Variants in ZNF451 observed in about 807,000 individuals in gnomAD.
ZNF451 encodes the protein E3 SUMO-protein ligase ZNF451.
Under a neutral mutation model 107.1 loss-of-function variants are expected in ZNF451, and 80 were observed. The observed-to-expected ratio is 0.75, with a 90% confidence interval of 0.62 to 0.90. The LOEUF (loss-of-function observed/expected upper bound fraction) is 0.90, where lower values mean the gene tolerates loss of function less well. Among genes scored for constraint, ZNF451 ranks in the 40% least tolerant of loss-of-function variants. The pLI is 0.00. For missense variants in ZNF451, 1,107 were observed against 1,236.2 expected, an observed-to-expected ratio of 0.90 and a Z score of 1.57; for synonymous variants, 362 against 406.5, an observed-to-expected ratio of 0.89 and a Z score of 1.32.
intron 2 of ZNF451, among the ~76,000 whole-genome samples, chr6:57,097,956 T>G (rs1242243757): frequency 6.8e-6 from 1 of 147,818 alleles, no homozygotes; most frequent in East Asian, 2.0e-4. Flanking sequence ...TTATTTTTAT[T>G]TATATATTTA....
chr6:57,097,840 G>A (rs933936570), intron 2 of ZNF451, among the ~76,000 whole-genome samples: 1 of 151,986 alleles, frequency 6.6e-6, no homozygotes, highest in African/African-American at 2.4e-5. Context: ...TTCTGTTTCT[G>A]CTTTCCAAAG....
In ZNF451 at chr6:57,147,806, C is replaced by T. The variant is rs1477234074; in HGVS notation, c.1721C>T (p.Ser574Phe). 4 of 1,614,024 alleles carry T rather than the reference C, an allele frequency of 2.5e-6. No homozygotes were observed. The South Asian group carries it at 4.4e-5, about 18-fold the overall frequency. Residue 574 changes from serine to phenylalanine, a missense_variant, in exon 10 of 15, where the codon TCC becomes TTC. Coordinates refer to ENST00000370706, the MANE Select transcript of ZNF451 (RefSeq NM_001031623.3). ...DEVEGETLPS[S>F]STTLDNLTAN... is the part of the protein sequence containing the mutation. ...GTAGAAGGTGAAACTTTGCCATCAT[C>T]CTCTACAACATTGGATAATTTGACT...
At chr6:57,099,938 C>T (rs778527101) in intron 3 of ZNF451, among the ~76,000 whole-genome samples, 8 of 152,216 alleles carry the variant, frequency 5.3e-5, no homozygotes, top group Non-Finnish European at 1.2e-4. Context: ...TTTACAAATT[C>T]TGTGACTTTG....
At chr6:57,107,299 A>G (rs1217987890) in intron 3 of ZNF451, 8 of 984,972 alleles carry the variant, frequency 8.1e-6, no homozygotes, top group Non-Finnish European at 9.6e-6. Context: ...CTATCAGTGT[A>G]TACTAGACAG....
Position 57,124,461 on chromosome 6 carries a change from C to G in ZNF451, c.187-273C>G, listed in dbSNP as rs114981221. The stretch of plus-strand genomic sequence containing the variant: ...CGCTTTGCCTGATGACCCTACCTCT[C>G]TGACAGATCTGAGAAGAGTTTACTC... On this transcript the variant is annotated intron_variant, in intron 3 of 14. Coordinates refer to ENST00000370706, the MANE Select transcript of ZNF451 (RefSeq NM_001031623.3). 2.2e-4 allele frequency: 160 copies of G among 716,804 alleles called. 1 individual carries two copies. In the African/African-American group the frequency reaches 2.5e-3, roughly 11 times the overall value. 44.4% of individuals were successfully genotyped at this position (716,804 alleles called of 1,614,324 possible).
Position 57,090,198 on chromosome 6 carries a change from A to ACGGCGG in ZNF451, c.-51_-46dup, listed in dbSNP as rs1327028504. 4 of 1,579,452 alleles carry ACGGCGG rather than the reference A, an allele frequency of 2.5e-6. No individual in the cohort carries two copies. In the Admixed American group the frequency reaches 7.4e-5, roughly 29 times the overall value. Reference sequence around the variant, plus strand: ...CAGGGCGGGAAGGGGATTCGTGGCGACGGCGGCGGCAGGGACAGCAGGAGC... The same window carrying ACGGCGG: ...CAGGGCGGGAAGGGGATTCGTGGCGACGGCGGCGGCGGCGGCAGGGACAGCAGGAGC... On this transcript the variant is annotated 5_prime_UTR_variant, in exon 1 of 15. Transcript: ENST00000370706.
At chr6:57,108,171 T>G (rs1829956449) in intron 3 of ZNF451, 1 of 985,316 alleles carries the variant, frequency 1.0e-6, no homozygotes, top group African/African-American at 1.7e-5. Flanking sequence ...AATTCTACTT[T>G]GACCTTAAGT....
At chr6:57,130,626 GGCCAGTAATAT>G (rs1831139255) in intron 5 of ZNF451, among the ~76,000 whole-genome samples, 1 of 151,996 alleles carries the variant, frequency 6.6e-6, no homozygotes, top group South Asian at 2.1e-4. Context: ...ATGGTAGTCG[GGCCAGTAATAT>G]GCCCTTCAAG....
intron 3 of ZNF451, chr6:57,114,830 A>C (rs978736002): frequency 6.6e-6 from 1 of 152,164 alleles, no homozygotes; most frequent in Non-Finnish European, 1.5e-5. Flanking sequence ...ACATATGCTG[A>C]TTGTAGAAAA....
rs1562622965 is a variant in ZNF451, at chr6:57,148,267, T to TA, written c.2183dup (p.Tyr728Ter). The change falls in exon 10 of 15, where the codon TAC (tyrosine) becomes TAAC (stop). Residue 728 changes from tyrosine to a stop codon, truncating the protein, a stop_gained and frameshift_variant. Transcript: ENST00000370706. LOFTEE classifies it high-confidence loss of function. ...NQLTCGCRES[Y>*]ICKVNRKEDY... The stretch of plus-strand genomic sequence containing the variant: ...GTTAACTTGTGGTTGCCGTGAGAGT[T>TA]ACATCTGTAAAGTCAACAGAAAAGA... 18 of 1,613,994 alleles carry TA rather than the reference T, an allele frequency of 1.1e-5. No homozygotes were observed. The highest frequency in any genetic ancestry group is 1.5e-5 in the Non-Finnish European group (18 of 1,179,950).
chr6:57,101,841 C>T (rs1829612470), intron 3 of ZNF451: 5 of 1,550,560 alleles, frequency 3.2e-6, no homozygotes, highest in Non-Finnish European at 4.4e-6. Context: ...AGAAGATCTC[C>T]CACTTGCCCT....
intron 3 of ZNF451, chr6:57,106,964 C>T (rs961421026): frequency 1.1e-6 from 1 of 926,536 alleles, no homozygotes; most frequent in Admixed American, 6.2e-5. Context: ...AATTTCCCTT[C>T]CTGGATGAAC....
intron 13 of ZNF451, among the ~76,000 whole-genome samples, chr6:57,156,048 T>C (rs1158954160): frequency 6.6e-6 from 1 of 152,014 alleles, no homozygotes; most frequent in Non-Finnish European, 1.5e-5. Flanking sequence ...TGTATTTATA[T>C]GGTTGTAATA....
At chr6:57,123,222 A>G (rs1830729476) in intron 3 of ZNF451, among the ~76,000 whole-genome samples, 1 of 152,234 alleles carries the variant, frequency 6.6e-6, no homozygotes, top group Non-Finnish European at 1.5e-5. Context: ...TCATAGCAGC[A>G]CTATTCAGAA....
chr6:57,098,914 T>G, intron 2 of ZNF451, 147 bp from the exon 3 acceptor site: 1 of 581,612 alleles, frequency 1.7e-6, no homozygotes. Context: ...CTCTGCTGCT[T>G]TTGTTCTGGT....
At chr6:57,159,525 GT>G (rs369246650) in intron 13 of ZNF451, 34,409 of 135,404 alleles carry the variant, frequency 0.25, 2,977 homozygotes, top group African/African-American at 0.35. Flanking sequence ...CATTATAAGA[GT>G]TTTTTTTTTT....
intron 3 of ZNF451, chr6:57,102,491 A>T (rs1310762141): frequency 2.0e-6 from 2 of 993,368 alleles, no homozygotes; most frequent in East Asian, 1.1e-4. Flanking sequence ...ATAATACTAG[A>T]TGTCTGTTTA....
intron 9 of ZNF451, among the ~76,000 whole-genome samples, chr6:57,142,866 C>G (rs544210481): frequency 2.0e-5 from 3 of 152,262 alleles, no homozygotes; most frequent in Admixed American, 2.0e-4. Context: ...GATATTGCCA[C>G]TCTTTTTCAT....
rs896503038 is a variant in ZNF451 at position 57,166,113 on chromosome 6, C to T, written c.3140-2310C>T. On this transcript the variant is annotated intron_variant, in intron 14 of 14. Coordinates refer to ENST00000370706, the MANE Select transcript of ZNF451 (RefSeq NM_001031623.3). ...TGTGATCTTGGCTCACTGCAACCTC[C>T]GCCTCCCAGGTTTAAGCGATTCTCC... Among the ~76,000 whole-genome samples, 6 of 151,650 alleles carry T rather than the reference C, an allele frequency of 4.0e-5. No individual in the cohort carries two copies. The East Asian group carries it at 5.8e-4, about 15-fold the overall frequency.
Sources: allele counts gnomAD v4.1 joint callset (sites outside exome capture counted in the v4.1 genomes callset), GRCh38; gene constraint gnomAD v4.1.1; transcripts MANE v1.5; gene names NCBI Gene and HGNC (gene_info 2026-07-23, HGNC 2026-07-21).